Variants in LPIN1 observed in about 807,000 individuals in gnomAD.
LPIN1 encodes phosphatidate phosphatase LPIN1.
Under a neutral mutation model 107.5 loss-of-function variants are expected in LPIN1, and 71 were observed. That is an observed-to-expected ratio of 0.66 (90% CI 0.55 to 0.80). The LOEUF (loss-of-function observed/expected upper bound fraction) is 0.80, where lower values mean the gene tolerates loss of function less well. Among genes scored for constraint, LPIN1 ranks in the 30% least tolerant of loss-of-function variants. The probability of loss-of-function intolerance (pLI) is 0.00; values close to 1 mark genes in which losing one functional copy is unlikely to be tolerated. For synonymous variants in LPIN1, 445 were observed against 452.6 expected (o/e 0.98, Z 0.21); for missense variants, 1,043 against 1,160.6 (o/e 0.90, Z 1.47).
intron 1 of LPIN1, among the ~76,000 whole-genome samples, chr2:11,750,861 G>A (rs1362668967): frequency 6.6e-6 from 1 of 152,176 alleles, no homozygotes; most frequent in Non-Finnish European, 1.5e-5. Flanking sequence ...CTGGGGTGTG[G>A]TAGGGGTGGG....
chr2:11,797,648 CA>C lies in LPIN1; in HGVS notation c.1886+2163del, dbSNP rs367582964. Reference sequence around the variant, plus strand: ...CCCCTTCGTTTTGGCCAATTTGTCCCAATGGAAACAGGTGTATTTACCCAAT... The same window carrying C: ...CCCCTTCGTTTTGGCCAATTTGTCCCATGGAAACAGGTGTATTTACCCAAT... On this transcript the variant is annotated intron_variant, in intron 14 of 20. Transcript: ENST00000674199. 6.7e-3 allele frequency among the ~76,000 whole-genome samples: 1,024 copies of C among 152,300 alleles called. 16 individuals carry two copies. Among genetic ancestry groups the C allele is most frequent in the African/African-American group, 0.023 (974 of 41,564 alleles).
chr2:11,707,159 CAG>C lies in LPIN1; in HGVS notation c.82-6595_82-6594del, dbSNP rs1558736192. Among the ~76,000 whole-genome samples, 2 of 152,178 alleles carry C rather than the reference CAG, an allele frequency of 1.3e-5. No homozygotes were observed. Among genetic ancestry groups the C allele is most frequent in the South Asian group, 2.1e-4 (1 of 4,812 alleles). ...AGGTCCTATATTTTAGTAGGAAAAACAGAAAACAAAGAATAATGATCTAACGT... is the reference window on the plus strand; with the variant it reads ...AGGTCCTATATTTTAGTAGGAAAAACAAAACAAAGAATAATGATCTAACGT... On this transcript the variant is annotated intron_variant, in intron 1 of 21. Transcript: ENST00000449576. The surrounding 1 kb of genome is among the most constrained non-coding windows in gnomAD (Gnocchi z 4.2).
chr2:11,752,826 T>C (rs1294517036), intron 1 of LPIN1, among the ~76,000 whole-genome samples: 1 of 152,130 alleles, frequency 6.6e-6, no homozygotes, highest in Non-Finnish European at 1.5e-5. Context: ...GTTTTGAATT[T>C]TGGCAGTTCC....
intron 1 of LPIN1, among the ~76,000 whole-genome samples, chr2:11,678,750 T>C (rs1661557322): frequency 6.6e-6 from 1 of 152,184 alleles, no homozygotes; most frequent in African/African-American, 2.4e-5. Flanking sequence ...AAAGGAGGCG[T>C]GGATCCTGCT....
At chr2:11,741,694 C>T (rs1378014185), upstream of LPIN1, among the ~76,000 whole-genome samples, 1 of 152,122 alleles carries the variant, frequency 6.6e-6, no homozygotes, top group Non-Finnish European at 1.5e-5. Context: ...GCCTGTAGTC[C>T]CAGCTAGTCA....
At chr2:11,823,739 A>G (rs1346126307) in intron 20 of LPIN1, among the ~76,000 whole-genome samples, 1 of 152,212 alleles carries the variant, frequency 6.6e-6, no homozygotes, top group Non-Finnish European at 1.5e-5. Context: ...CAATATAGCA[A>G]TAGCAACTTT....
At chr2:11,810,891 G>A (rs1679535150) in intron 17 of LPIN1, among the ~76,000 whole-genome samples, 1 of 152,156 alleles carries the variant, frequency 6.6e-6, no homozygotes, top group Non-Finnish European at 1.5e-5. Flanking sequence ...GTCTTAAGAG[G>A]GATGCAGAGA....
In LPIN1 at chr2:11,740,722, A is replaced by AAAAGAAAG. The variant is rs141242630; in HGVS notation, c.-71-607_-71-600dup. Among the ~76,000 whole-genome samples the AAAAGAAAG allele has an allele frequency of 8.3e-3, 1,239 of 148,462 alleles. 25 individuals carry two copies. Among genetic ancestry groups the AAAAGAAAG allele is most frequent in the African/African-American group, 0.03 (1,189 of 39,356 alleles). On this transcript the variant is annotated intron_variant, in intron 1 of 21. Coordinates refer to the LPIN1 transcript ENST00000396097. ...AAAAAAAGGAAGAAAGAAAGAAAAGAAAAGAAAGAAAGAAAGAAAGAAAGA... is the reference window on the plus strand; with the variant it reads ...AAAAAAAGGAAGAAAGAAAGAAAAGAAAAGAAAGAAAGAAAGAAAGAAAGAAAGAAAGA...
intron 11 of LPIN1, among the ~76,000 whole-genome samples, chr2:11,787,550 G>A (rs1674848673): frequency 6.6e-6 from 1 of 151,976 alleles, no homozygotes; most frequent in South Asian, 2.1e-4. Flanking sequence ...TCAGGTGTGA[G>A]CCACTACACC....
At chr2:11,824,572 C>A in intron 20 of LPIN1, 60 bp from the exon 21 acceptor site, 1 of 1,576,202 alleles carries the variant, frequency 6.3e-7, no homozygotes, top group Non-Finnish European at 8.7e-7. Flanking sequence ...CTTCTACGTG[C>A]AGCCCTGGGT....
rs1246270529 is a variant in LPIN1 at position 11,707,911 on chromosome 2, C to A, written c.82-5845C>A. ...TCCGCTAATTATGACTGGGTAGGCC[C>A]CTTAGAGAAGCCTGGCTGGACTTCA... On this transcript the variant is annotated intron_variant, in intron 1 of 21. Coordinates refer to the LPIN1 transcript ENST00000449576. The surrounding 1 kb of genome is among the most constrained non-coding windows in gnomAD (Gnocchi z 4.2). Among the ~76,000 whole-genome samples, 1 of 152,088 alleles carries A rather than the reference C, an allele frequency of 6.6e-6. No homozygotes were observed. Among genetic ancestry groups the A allele is most frequent in the Non-Finnish European group, 1.5e-5 (1 of 68,026 alleles).
chr2:11,814,059 G>C (rs1680141886), intron 17 of LPIN1, among the ~76,000 whole-genome samples: 1 of 152,206 alleles, frequency 6.6e-6, no homozygotes, highest in Non-Finnish European at 1.5e-5. Context: ...GGGAGTGTGG[G>C]GGGTGTGGAG....
At chr2:11,775,584 A>G (rs1672530019) in intron 5 of LPIN1, among the ~76,000 whole-genome samples, 1 of 152,170 alleles carries the variant, frequency 6.6e-6, no homozygotes, top group South Asian at 2.1e-4. Flanking sequence ...GACAGCACAC[A>G]CGAGCACATT....
At chr2:11,754,211 AC>A (rs1213336796) in intron 1 of LPIN1, among the ~76,000 whole-genome samples, 1 of 152,192 alleles carries the variant, frequency 6.6e-6, no homozygotes, top group Non-Finnish European at 1.5e-5. Context: ...GATAACAGGA[AC>A]ACAGATAAGG....
At chr2:11,768,724 C>T (rs1671347531) in intron 3 of LPIN1, among the ~76,000 whole-genome samples, 1 of 152,128 alleles carries the variant, frequency 6.6e-6, no homozygotes, top group African/African-American at 2.4e-5. Context: ...ATCACGAGGT[C>T]AGGAGATAGA....
chr2:11,819,916 C>T (rs983800023), intron 19 of LPIN1, among the ~76,000 whole-genome samples: 6 of 152,130 alleles, frequency 3.9e-5, no homozygotes, highest in Admixed American at 2.6e-4. Flanking sequence ...AGAAGGGAAC[C>T]GCAAAATCAG....
upstream of LPIN1, among the ~76,000 whole-genome samples, chr2:11,745,475 A>G (rs1012998967): frequency 4.6e-5 from 7 of 152,226 alleles, no homozygotes; most frequent in Non-Finnish European, 1.0e-4. Flanking sequence ...TTGGGAAGCC[A>G]AGGTGGGAAG....
chr2:11,701,366 A>G (rs904657146), intron 1 of LPIN1, among the ~76,000 whole-genome samples: 2 of 152,190 alleles, frequency 1.3e-5, no homozygotes, highest in Non-Finnish European at 2.9e-5. Context: ...CTCAGTGCCT[A>G]GCACAGGTCA....
At chr2:11,691,083 G>GTTTTTTT (rs373579741) in intron 1 of LPIN1, among the ~76,000 whole-genome samples, 3 of 120,268 alleles carry the variant, frequency 2.5e-5, no homozygotes, top group Non-Finnish European at 3.2e-5. Flanking sequence ...ATCTTGTTGT[G>GTTTTTTT]GTTTTTTTTT....
Sources: gnomAD v4.1 joint callset for allele counts (sites outside exome capture counted in the v4.1 genomes callset) on GRCh38, gnomAD v4.1.1 for gene constraint, Gnocchi (gnomAD v3.1) non-coding constraint, MANE v1.5 for transcripts, NCBI Gene and HGNC (gene_info 2026-07-23, HGNC 2026-07-21) for gene names.